Variants in SLC20A2 observed in about 807,000 individuals in gnomAD.
The protein encoded by SLC20A2 is sodium-dependent phosphate transporter 2.
Under a neutral mutation model 61.0 loss-of-function variants are expected in SLC20A2, and 30 were observed. The ratio of observed to expected loss-of-function variants is 0.49; its 90% CI spans 0.37 to 0.67. The LOEUF (loss-of-function observed/expected upper bound fraction) is 0.67. Among genes scored for constraint, SLC20A2 ranks in the 30% least tolerant of loss-of-function variants. SLC20A2 has a pLI of 0.00. For synonymous variants in SLC20A2, 351 were observed against 353.3 expected, an observed-to-expected ratio of 0.99 and a Z score of 0.07; for missense variants, 626 against 866.4, an observed-to-expected ratio of 0.72 and a Z score of 3.48.
At chr8:42,537,069 T>C (rs1371311611) in intron 1 of SLC20A2, among the ~76,000 whole-genome samples, 1 of 148,404 alleles carries the variant, frequency 6.7e-6, no homozygotes, top group Non-Finnish European at 1.5e-5. Flanking sequence ...AGCCGGAGTC[T>C]GTTTAAAAAA....
chr8:42,526,390 C>T (rs1202991685), intron 1 of SLC20A2, among the ~76,000 whole-genome samples: 4 of 152,100 alleles, frequency 2.6e-5, no homozygotes, highest in Middle Eastern at 3.4e-3. Context: ...AACATCACAG[C>T]CGGCTGGGTG....
At chr8:42,465,979 A>AAACATTTGGATTTCTTCCCTT in intron 2 of SLC20A2, 62 bp from the exon 3 acceptor site, 1 of 1,433,204 alleles carries the variant, frequency 7.0e-7, no homozygotes, top group Non-Finnish European at 9.4e-7. Flanking sequence ...CACCAAGGGA[A>AAACATTTGGATTTCTTCCCTT]GAAATCCAAA....
intron 5 of SLC20A2, among the ~76,000 whole-genome samples, chr8:42,456,073 C>T (rs1806170515): frequency 1.3e-5 from 2 of 152,026 alleles, no homozygotes; most frequent in Non-Finnish European, 2.9e-5. Flanking sequence ...GGATAATTTA[C>T]TCTCCCAGTA....
upstream of SLC20A2, chr8:42,541,932 G>A (rs1586316830): frequency 6.6e-6 from 1 of 152,144 alleles, no homozygotes; most frequent in Admixed American, 6.5e-5. Flanking sequence ...AAGCGCACAC[G>A]GGCCAGTTGC....
In SLC20A2 at chr8:42,449,111, G is replaced by A. The variant is rs569898608; in HGVS notation, c.614-4349C>T. Reference sequence around the variant, plus strand: ...TGACAAAAATACTTTCTATTAAATTGTCTTTCTGGTACGGATCTCGAATTG... The same window carrying A: ...TGACAAAAATACTTTCTATTAAATTATCTTTCTGGTACGGATCTCGAATTG... On this transcript the variant is annotated intron_variant, in intron 5 of 10. Coordinates refer to ENST00000520262, the MANE Select transcript of SLC20A2 (RefSeq NM_001257180.2). Among the ~76,000 whole-genome samples the A allele has an allele frequency of 2.6e-4, 40 of 152,204 alleles. 1 individual carries two copies. The South Asian group carries it at 8.3e-3, about 32-fold the overall frequency.
chr8:42,437,510 G>A lies in SLC20A2; in HGVS notation c.1002C>T (p.Asp334=), dbSNP rs752617509. Residue 334 remains aspartate (D), a synonymous_variant, in exon 8 of 11, where the codon GAC becomes GAT. Coordinates refer to ENST00000520262, the MANE Select transcript of SLC20A2 (RefSeq NM_001257180.2). The surrounding 1 kb of genome is among the most constrained non-coding windows in gnomAD (Gnocchi z 6.4). ...SPISNGTFGF[D]GHTRSDGHVY... ...CATGACCGTCGCTCCTGGTGTGGCC[G>A]TCGAAGCCGAAGGTGCCGTTGGAGA... The A allele has an allele frequency of 1.9e-6, 3 of 1,614,126 alleles. No individual in the cohort carries two copies. Among genetic ancestry groups the A allele is most frequent in the Non-Finnish European group, 2.5e-6 (3 of 1,180,026 alleles).
At chr8:42,485,502 T>C (rs1341431619) in intron 1 of SLC20A2, among the ~76,000 whole-genome samples, 1 of 149,144 alleles carries the variant, frequency 6.7e-6, no homozygotes, top group African/African-American at 2.5e-5. Flanking sequence ...ATTGGCCGGG[T>C]GTAGTGGCGG....
At position 42,513,267 on chromosome 8, in the gene SLC20A2, A is replaced by G. The variant is rs145388251; in HGVS notation, c.-265+28554T>C. Reference sequence around the variant, plus strand: ...GAACTGTCCATATAAGGGCATCCTCATATCAGTAACTCAGTTGGAACAATC... The same window carrying G: ...GAACTGTCCATATAAGGGCATCCTCGTATCAGTAACTCAGTTGGAACAATC... On this transcript the variant is annotated intron_variant, in intron 1 of 10. Coordinates refer to the SLC20A2 transcript ENST00000342228. Among the ~76,000 whole-genome samples the G allele has an allele frequency of 3.0e-4, 46 of 152,338 alleles. No individual in the cohort carries two copies. The East Asian group carries it at 7.9e-3, about 26-fold the overall frequency.
rs567386499 is a variant in SLC20A2, at chr8:42,437,428, G to A, written c.1084C>T (p.His362Tyr). The change falls in exon 8 of 11, where the codon CAC becomes TAC. Residue 362 changes from histidine to tyrosine, a missense_variant. His to Tyr is a moderately conservative substitution (Grantham distance 83, BLOSUM62 2). This residue lies in a region of SLC20A2 where 361 missense variants were observed against 422.3 expected (regional missense o/e 0.85). Transcript: ENST00000520262. This position sits in a 1 kb window ranked among gnomAD's most constrained non-coding sequence, Gnocchi z 6.4. ...TTCTCCTCGGGGCCCCTGTCGATGT[G>A]GATTTTGTGCAGCAGATCTTTGTAG... Reference protein sequence around the residue: ...GLYKDLLHKIHIDRGPEEKPA... With the variant: ...GLYKDLLHKIYIDRGPEEKPA... 2 of 1,614,148 alleles carry A rather than the reference G, an allele frequency of 1.2e-6. No homozygotes were observed. Among genetic ancestry groups the A allele is most frequent in the South Asian group, 2.2e-5 (2 of 91,076 alleles).
intron 1 of SLC20A2, among the ~76,000 whole-genome samples, chr8:42,482,159 G>A (rs912806748): frequency 1.3e-5 from 2 of 152,078 alleles, no homozygotes; most frequent in African/African-American, 4.8e-5. Flanking sequence ...TTTTTTAGTA[G>A]AAAGGCTGCC....
At chr8:42,535,403 CATACA>C (rs1161575905) in intron 1 of SLC20A2, 1 of 151,874 alleles carries the variant, frequency 6.6e-6, no homozygotes, top group Non-Finnish European at 1.5e-5. Context: ...TGCAAATTTT[CATACA>C]ATATTGTATT....
rs1306594355 is a variant in SLC20A2 at position 42,469,802 on chromosome 8, CCTGT to C, written c.289+2296_289+2299del. On this transcript the variant is annotated intron_variant, in intron 2 of 10. Transcript: ENST00000520262. Reference sequence around the variant, plus strand: ...AATTAGCTGGGTGTGGTGTCGGGTGCCTGTAATCCCAGCTACTTAGGAGGCTGAG... The same window carrying C: ...AATTAGCTGGGTGTGGTGTCGGGTGCAATCCCAGCTACTTAGGAGGCTGAG... Among the ~76,000 whole-genome samples, 9 of 152,032 alleles carry C rather than the reference CCTGT, an allele frequency of 5.9e-5. No individual in the cohort carries two copies. In the East Asian group the frequency reaches 1.4e-3, roughly 23 times the overall value.
chr8:42,508,447 G>A (rs530715898), intron 1 of SLC20A2, among the ~76,000 whole-genome samples: 1 of 152,348 alleles, frequency 6.6e-6, no homozygotes, highest in African/African-American at 2.4e-5. Flanking sequence ...CTGGAGTGCA[G>A]TGGCATGATC....
intron 8 of SLC20A2, 63 bp downstream of exon 8, chr8:42,436,926 A>C: frequency 5.6e-6 from 8 of 1,418,560 alleles, no homozygotes; most frequent in Non-Finnish European, 7.6e-6. Flanking sequence ...CGGCACCCGC[A>C]CAGCGCTGGC....
At chr8:42,454,588 G>C (rs76042544) in intron 5 of SLC20A2, among the ~76,000 whole-genome samples, 1 of 151,686 alleles carries the variant, frequency 6.6e-6, no homozygotes, top group Non-Finnish European at 1.5e-5. Context: ...GTTGTGCTTC[G>C]AGGGAATAAT....
upstream of SLC20A2, among the ~76,000 whole-genome samples, chr8:42,505,822 C>T (rs535891151): frequency 2.0e-5 from 3 of 150,602 alleles, no homozygotes; most frequent in South Asian, 2.1e-4. Flanking sequence ...ACCTGGGAGG[C>T]GGGGGTTGCA....
intron 1 of SLC20A2, among the ~76,000 whole-genome samples, chr8:42,475,984 C>T (rs1808055074): frequency 1.4e-5 from 2 of 146,244 alleles, no homozygotes; most frequent in African/African-American, 5.0e-5. Flanking sequence ...GTGGGTTTTT[C>T]TTCTCTTTTG....
chr8:42,514,770 A>C (rs888053994), intron 1 of SLC20A2, among the ~76,000 whole-genome samples: 1 of 119,652 alleles, frequency 8.4e-6, no homozygotes, highest in Non-Finnish European at 1.9e-5. Context: ...AAAAAAAAAG[A>C]AAAAAAAAAA....
rs371597177 is a variant in SLC20A2 at position 42,491,691 on chromosome 8, A to G, written c.-265+9340T>C. Among the ~76,000 whole-genome samples, 11 of 151,890 alleles carry G rather than the reference A, an allele frequency of 7.2e-5. 1 individual carries two copies. Among genetic ancestry groups the G allele is most frequent in the African/African-American group, 2.7e-4 (11 of 41,416 alleles). The stretch of plus-strand genomic sequence containing the variant: ...ATCTCAAAAAAAAAAAAGTCACTCT[A>G]TTTCTCTTGATGACCATCAGTTTTC... On this transcript the variant is annotated intron_variant, in intron 1 of 10. Coordinates refer to ENST00000520262, the MANE Select transcript of SLC20A2 (RefSeq NM_001257180.2).
Sources: gnomAD v4.1 joint callset for allele counts (sites outside exome capture counted in the v4.1 genomes callset) on GRCh38, gnomAD v4.1.1 for gene constraint, gnomAD v4.1.1 regional missense constraint, Gnocchi (gnomAD v3.1) non-coding constraint, MANE v1.5 for transcripts, NCBI Gene and HGNC (gene_info 2026-07-23, HGNC 2026-07-21) for gene names.